Variants in PRKD3 observed in about 807,000 individuals in gnomAD.
PRKD3 encodes protein kinase D3.
Under a neutral mutation model 99.2 loss-of-function variants are expected in PRKD3, and 47 were observed. The ratio of observed to expected loss-of-function variants is 0.47; its 90% confidence interval spans 0.38 to 0.60. PRKD3 has a LOEUF of 0.60. Among genes scored for constraint, PRKD3 ranks in the 20% least tolerant of loss-of-function variants. The probability of loss-of-function intolerance (pLI) is 0.00; values close to 1 mark genes in which losing one functional copy is unlikely to be tolerated. For missense variants in PRKD3, 1,019 were observed against 1,088.4 expected (o/e 0.94, Z 0.90); for synonymous variants, 392 against 355.4 (o/e 1.10, Z -1.16).
chr2:37,316,493 T>C lies in PRKD3; in HGVS notation c.32A>G (p.Gln11Arg), dbSNP rs531197262. The change falls in exon 2 of 19, where the codon CAG becomes CGG. Residue 11 changes from glutamine (Q) to arginine (R), a missense_variant. By Grantham distance (43) the Gln-to-Arg change is conservative. Around this residue, in one of 3 missense-constraint regions of PRKD3, gnomAD observed 710 missense variants for 692.7 expected, o/e 1.02. Transcript: ENST00000234179. Reference sequence around the variant, plus strand: ...AATAGCTGTGGGTAATACAGACTTCTGGGCTGATGGAGGGGAATTATTTGC... The same window carrying C: ...AATAGCTGTGGGTAATACAGACTTCCGGGCTGATGGAGGGGAATTATTTGC... Reference protein sequence around the residue: MSANNSPPSAQKSVLPTAIPA... With the variant: MSANNSPPSARKSVLPTAIPA... 2 of 1,614,048 alleles carry C rather than the reference T, an allele frequency of 1.2e-6. No homozygotes were observed. Among genetic ancestry groups the C allele is most frequent in the African/African-American group, 2.7e-5 (2 of 75,074 alleles).
chr2:37,315,265 CG>C (rs1558582352), intron 2 of PRKD3, among the ~76,000 whole-genome samples: 1 of 152,062 alleles, frequency 6.6e-6, no homozygotes, highest in Non-Finnish European at 1.5e-5. Flanking sequence ...TCCATCAAAT[CG>C]GGATTATTAA....
intron 2 of PRKD3, among the ~76,000 whole-genome samples, chr2:37,305,425 C>G (rs971323293): frequency 1.3e-5 from 2 of 152,192 alleles, no homozygotes; most frequent in African/African-American, 2.4e-5. Flanking sequence ...TCTACCAATT[C>G]CTTTCTCACT....
chr2:37,273,907 T>C (rs1400010416), intron 11 of PRKD3, among the ~76,000 whole-genome samples: 1 of 152,250 alleles, frequency 6.6e-6, no homozygotes, highest in Non-Finnish European at 1.5e-5. Context: ...TTCAGTGATT[T>C]TTAAATATTT....
chr2:37,267,401 T>C, intron 14 of PRKD3, 29 bp downstream of exon 14: 2 of 1,432,694 alleles, frequency 1.4e-6, no homozygotes, highest in Non-Finnish European at 1.9e-6. Flanking sequence ...GCCTCTTTAA[T>C]AAACCAGTTT....
intron 1 of PRKD3, among the ~76,000 whole-genome samples, chr2:37,318,909 TAAA>T (rs2124907510): frequency 2.0e-5 from 3 of 152,132 alleles, no homozygotes; most frequent in Middle Eastern, 6.8e-3. Context: ...ATTACAAACA[TAAA>T]AAATAATGAA....
chr2:37,278,919 G>C (rs1387494251), intron 8 of PRKD3: 1 of 142,244 alleles, frequency 7.0e-6, no homozygotes, highest in Non-Finnish European at 1.5e-5. Context: ...CTGGCGACAG[G>C]GCGAGACTCT....
In PRKD3 at chr2:37,272,487, C is replaced by T. The variant is rs1285180778; in HGVS notation, c.1652-55G>A. 3.2e-6 allele frequency: 5 copies of T among 1,549,948 alleles called. No homozygotes were observed. The South Asian group carries it at 3.7e-5, about 11-fold the overall frequency. ...TATATGACAATATTATTAATCTTTACTGACATGTGAATGCTCATGGTATAT... is the reference window on the plus strand; with the variant it reads ...TATATGACAATATTATTAATCTTTATTGACATGTGAATGCTCATGGTATAT... On this transcript the variant is annotated intron_variant, in intron 11 of 18. Coordinates refer to ENST00000234179, the MANE Select transcript of PRKD3 (RefSeq NM_005813.6).
At chr2:37,318,030 C>T (rs780217726) in intron 1 of PRKD3, 8 of 151,170 alleles carry the variant, frequency 5.3e-5, no homozygotes, top group Non-Finnish European at 8.8e-5. Context: ...CGTGAAACAG[C>T]TCATAATTGA....
At chr2:37,266,536 G>A (rs1572630396) in intron 14 of PRKD3, among the ~76,000 whole-genome samples, 2 of 151,906 alleles carry the variant, frequency 1.3e-5, no homozygotes, top group East Asian at 3.9e-4. Flanking sequence ...GCCCAGGCTG[G>A]AGTGCAATGG....
At position 37,269,676 on chromosome 2, in the gene PRKD3, A is replaced by G. The variant is rs770102517; in HGVS notation, c.1716T>C (p.Thr572=). ...CQIQENVDIS[T]VYQIFADEVL... is the part of the protein sequence containing the mutation. ...CCTCATCTGCAAAGATCTGGTAAAC[A>G]GTACTGATATCCTGGTAGGATAAAG... Residue 572 remains threonine (T), a synonymous_variant, in exon 13 of 19, where the codon ACT becomes ACC. Coordinates refer to ENST00000234179, the MANE Select transcript of PRKD3 (RefSeq NM_005813.6). The G allele has an allele frequency of 6.8e-6, 11 of 1,609,740 alleles. No homozygotes were observed. Among genetic ancestry groups the G allele is most frequent in the South Asian group, 5.5e-5 (5 of 90,918 alleles).
intron 2 of PRKD3, among the ~76,000 whole-genome samples, chr2:37,315,234 A>G (rs1343700357): frequency 6.6e-6 from 1 of 152,198 alleles, no homozygotes; most frequent in Non-Finnish European, 1.5e-5. Context: ...TTTTGATAAC[A>G]CAGAAAACAT....
chr2:37,270,997 T>C (rs1669220407), intron 12 of PRKD3, among the ~76,000 whole-genome samples: 1 of 152,210 alleles, frequency 6.6e-6, no homozygotes, highest in Non-Finnish European at 1.5e-5. Flanking sequence ...CCCAAGAATA[T>C]GCTGTCTATT....
intron 6 of PRKD3, among the ~76,000 whole-genome samples, chr2:37,284,872 A>G (rs1329757945): frequency 2.0e-5 from 3 of 152,154 alleles, no homozygotes; most frequent in Non-Finnish European, 4.4e-5. Flanking sequence ...TACATGTGCC[A>G]TGCTGGTGTG....
At chr2:37,292,118 T>C (rs753858154) in intron 3 of PRKD3, among the ~76,000 whole-genome samples, 1 of 152,190 alleles carries the variant, frequency 6.6e-6, no homozygotes, top group Non-Finnish European at 1.5e-5. Flanking sequence ...TGTAATTTCC[T>C]CTTCCATATC....
chr2:37,285,820 T>C (rs1670064825), intron 6 of PRKD3, among the ~76,000 whole-genome samples: 1 of 152,114 alleles, frequency 6.6e-6, no homozygotes, highest in Non-Finnish European at 1.5e-5. Context: ...ATATGACTCC[T>C]ATTACTACTA....
chr2:37,268,540 G>A, intron 13 of PRKD3: 1 of 313,602 alleles, frequency 3.2e-6, no homozygotes, highest in Non-Finnish European at 6.2e-6. Context: ...TAAACCCAAA[G>A]GGTAATAGAT....
At chr2:37,271,682 C>A (rs574030726) in intron 12 of PRKD3, among the ~76,000 whole-genome samples, 1 of 152,162 alleles carries the variant, frequency 6.6e-6, no homozygotes, top group Admixed American at 6.5e-5. Context: ...ACTGTGCATG[C>A]GAGGGATCTA....
chr2:37,296,332 T>C (rs1390061960), intron 2 of PRKD3, among the ~76,000 whole-genome samples: 1 of 151,978 alleles, frequency 6.6e-6, no homozygotes, highest in Non-Finnish European at 1.5e-5. Context: ...CAACATGAAG[T>C]TGGTATTAAG....
At chr2:37,322,967 G>C (rs1483074452) in intron 1 of PRKD3, among the ~76,000 whole-genome samples, 2 of 73,084 alleles carry the variant, frequency 2.7e-5, no homozygotes, top group Non-Finnish European at 5.0e-5. Context: ...TTCAACTTTA[G>C]AGTCTTTTAA....
Sources: gnomAD v4.1 joint callset for allele counts (sites outside exome capture counted in the v4.1 genomes callset) on GRCh38, gnomAD v4.1.1 for gene constraint, gnomAD v4.1.1 regional missense constraint, MANE v1.5 for transcripts, NCBI Gene and HGNC (gene_info 2026-07-23, HGNC 2026-07-21) for gene names.